NRF1: variants seen among roughly 807,000 people sequenced by gnomAD.
NRF1 encodes alpha palindromic-binding protein.
Under a neutral mutation model 58.5 loss-of-function variants are expected in NRF1, and 5 were observed. That is an observed-to-expected ratio of 0.09 (90% CI 0.04 to 0.18). The LOEUF is 0.18. Ranked by LOEUF, NRF1 falls within the 10% of genes least tolerant of loss-of-function variation. NRF1 has a pLI of 1.00. For synonymous variants in NRF1, 224 were observed against 246.7 expected, an observed-to-expected ratio of 0.91 and a Z score of 0.86; for missense variants, 288 against 657.7, an observed-to-expected ratio of 0.44 and a Z score of 6.15.
intron 2 of NRF1, among the ~76,000 whole-genome samples, chr7:129,659,529 T>C (rs1034241375): frequency 6.6e-6 from 1 of 152,234 alleles, no homozygotes; most frequent in African/African-American, 2.4e-5. Flanking sequence ...TGCTTGTCTG[T>C]GAATGTTTTT....
intron 5 of NRF1, among the ~76,000 whole-genome samples, chr7:129,703,256 A>G (rs1438760402): frequency 6.6e-6 from 1 of 152,194 alleles, no homozygotes; most frequent in Non-Finnish European, 1.5e-5. Flanking sequence ...AGAGCCCTAA[A>G]TCAGAATGAG....
intron 1 of NRF1, among the ~76,000 whole-genome samples, chr7:129,634,955 T>C (rs1801136126): frequency 6.6e-6 from 1 of 152,236 alleles, no homozygotes; most frequent in African/African-American, 2.4e-5. Context: ...CTTGTTTGCT[T>C]TCTCTTTTCT....
intron 5 of NRF1, among the ~76,000 whole-genome samples, chr7:129,700,258 A>G (rs941969909): frequency 1.3e-5 from 2 of 152,192 alleles, no homozygotes; most frequent in Non-Finnish European, 2.9e-5. Context: ...TTTTGCCATT[A>G]TTTTACAAAA....
intron 3 of NRF1, among the ~76,000 whole-genome samples, chr7:129,672,002 T>C (rs139706404): frequency 6.6e-6 from 1 of 152,218 alleles, no homozygotes; most frequent in East Asian, 1.9e-4. Flanking sequence ...AAATCCTTTT[T>C]GTTAAGGCAG....
At chr7:129,742,542 C>G (rs1374928148) in intron 10 of NRF1, among the ~76,000 whole-genome samples, 1 of 152,102 alleles carries the variant, frequency 6.6e-6, no homozygotes, top group Non-Finnish European at 1.5e-5. Context: ...ATGCAGAGGC[C>G]TGGTGGGGGA....
chr7:129,683,288 AGTGT>A (rs35691853), intron 4 of NRF1, among the ~76,000 whole-genome samples: 8,727 of 140,264 alleles, frequency 0.062, 291 homozygotes, highest in Middle Eastern at 0.11. Context: ...TCATGTGGAG[AGTGT>A]GTGTGTGTGT....
chr7:129,740,796 G>A (rs1584688303), intron 10 of NRF1, among the ~76,000 whole-genome samples: 1 of 152,082 alleles, frequency 6.6e-6, no homozygotes, highest in African/African-American at 2.4e-5. Context: ...GGGTGGCCTC[G>A]GGCATTCATC....
chr7:129,669,476 G>A (rs983489502), intron 2 of NRF1, among the ~76,000 whole-genome samples: 1 of 152,132 alleles, frequency 6.6e-6, no homozygotes, highest in Non-Finnish European at 1.5e-5. Flanking sequence ...TGGATAGAAC[G>A]ATGGATAGAT....
chr7:129,735,989 C>T (rs955228936), intron 10 of NRF1, among the ~76,000 whole-genome samples: 5 of 151,870 alleles, frequency 3.3e-5, no homozygotes, highest in African/African-American at 7.3e-5. Flanking sequence ...GGTGACAGAG[C>T]GAGACTCCGT....
At chr7:129,687,298 G>A (rs1209779944) in intron 4 of NRF1, among the ~76,000 whole-genome samples, 2 of 147,410 alleles carry the variant, frequency 1.4e-5, no homozygotes, top group East Asian at 2.0e-4. Flanking sequence ...TTTTTGAGGC[G>A]GAGTCTCACC....
chr7:129,640,117 A>T (rs1047914462), intron 1 of NRF1, among the ~76,000 whole-genome samples: 6 of 152,158 alleles, frequency 3.9e-5, no homozygotes, highest in Non-Finnish European at 8.8e-5. Flanking sequence ...TAAGGCAGTG[A>T]TGGTGGGGTT....
intron 4 of NRF1, among the ~76,000 whole-genome samples, chr7:129,686,242 A>G (rs1175690438): frequency 2.0e-5 from 3 of 152,256 alleles, no homozygotes; most frequent in South Asian, 2.1e-4. Flanking sequence ...TGGAGGTTGT[A>G]TGCTGGGAGC....
chr7:129,751,037 G>A (rs1804103274), intron 10 of NRF1, among the ~76,000 whole-genome samples: 1 of 152,228 alleles, frequency 6.6e-6, no homozygotes, highest in Non-Finnish European at 1.5e-5. Flanking sequence ...AGACATACGA[G>A]CAGTGAGGAT....
chr7:129,637,866 A>ATTTT (rs201653341), intron 1 of NRF1, among the ~76,000 whole-genome samples: 1 of 149,478 alleles, frequency 6.7e-6, no homozygotes, highest in African/African-American at 2.5e-5. Context: ...TTGTGATTTT[A>ATTTT]TTTTTTGTTT....
intron 5 of NRF1, among the ~76,000 whole-genome samples, chr7:129,692,916 C>T (rs1438589338): frequency 6.6e-6 from 1 of 152,138 alleles, no homozygotes; most frequent in African/African-American, 2.4e-5. Context: ...TCTTGATTAT[C>T]CCACCTAAAT....
At chr7:129,663,585 C>G (rs376692231) in intron 2 of NRF1, among the ~76,000 whole-genome samples, 1 of 148,452 alleles carries the variant, frequency 6.7e-6, no homozygotes, top group Non-Finnish European at 1.5e-5. Flanking sequence ...CAGGCAGAGA[C>G]GCTCCTCACT....
chr7:129,646,996 T>C (rs777831647), intron 1 of NRF1, among the ~76,000 whole-genome samples: 3 of 152,200 alleles, frequency 2.0e-5, no homozygotes, highest in Non-Finnish European at 4.4e-5. Flanking sequence ...ATAGAGACTT[T>C]ATGGACCCGA....
rs1230732002 is a variant in NRF1, at chr7:129,741,105, C to A, written c.1348+13740C>A. ...TTCTGTACTTCAATAGATGCAAATT[C>A]ATTTACTCTTTGGTCTGCCTGTGTT... is the stretch of plus-strand genomic sequence containing the variant. On this transcript the variant is annotated intron_variant, in intron 10 of 10. Coordinates refer to ENST00000393232, the MANE Select transcript of NRF1 (RefSeq NM_005011.5). The surrounding 1 kb of genome is among the most constrained non-coding windows in gnomAD (Gnocchi z 4.0). 6.6e-6 allele frequency among the ~76,000 whole-genome samples: 1 copy of A among 152,104 alleles called. No homozygotes were observed. The highest frequency in any genetic ancestry group is 1.5e-5 in the Non-Finnish European group (1 of 68,014).
At chr7:129,619,433 TACACACACAC>T (rs754223551) in intron 1 of NRF1, among the ~76,000 whole-genome samples, 2 of 65,856 alleles carry the variant, frequency 3.0e-5, no homozygotes, top group African/African-American at 8.2e-5. Flanking sequence ...TATATATATA[TACACACACAC>T]ACACATATAT....
Sources: gnomAD v4.1 joint callset for allele counts (sites outside exome capture counted in the v4.1 genomes callset) on GRCh38, gnomAD v4.1.1 for gene constraint, Gnocchi (gnomAD v3.1) non-coding constraint, MANE v1.5 for transcripts, NCBI Gene and HGNC (gene_info 2026-07-23, HGNC 2026-07-21) for gene names.